Variants in SNRNP200 observed in about 807,000 individuals in gnomAD.
SNRNP200 encodes the protein U5 small nuclear ribonucleoprotein 200 kDa helicase.
In SNRNP200, 66 loss-of-function variants were observed where a neutral mutation model predicts 255.2. That is an observed-to-expected ratio of 0.26 (90% CI 0.21 to 0.32). The LOEUF is 0.32. Among genes scored for constraint, SNRNP200 ranks in the 10% least tolerant of loss-of-function variants. The pLI is 1.00. For synonymous variants in SNRNP200, 939 were observed against 1,027.8 expected (o/e 0.91, Z 1.65); for missense variants, 1,585 against 2,749.8 (o/e 0.58, Z 9.47).
Position 96,305,522 on chromosome 2 carries a change from C to G in SNRNP200, c.-85G>C, listed in dbSNP as rs1023412438. On this transcript the variant is annotated 5_prime_UTR_variant, in exon 1 of 45. Coordinates refer to ENST00000323853, the MANE Select transcript of SNRNP200 (RefSeq NM_014014.5). The stretch of plus-strand genomic sequence containing the variant: ...CCGCAGATCTCTGCTCCCGCCGCGC[C>G]GGAACGACGCAGGAAAGACGCACTG... The G allele has an allele frequency of 6.3e-7, 1 of 1,579,504 alleles. No homozygotes were observed. Among genetic ancestry groups the G allele is most frequent in the Non-Finnish European group, 8.7e-7 (1 of 1,153,342 alleles).
intron 21 of SNRNP200, 122 bp from the exon 22 acceptor site, chr2:96,289,501 A>C: frequency 1.9e-6 from 2 of 1,037,470 alleles, no homozygotes; most frequent in South Asian, 2.7e-5. Flanking sequence ...TATATGACCC[A>C]ATGTCATTAT....
chr2:96,295,117 G>C (rs578232966), intron 14 of SNRNP200, among the ~76,000 whole-genome samples: 1 of 152,264 alleles, frequency 6.6e-6, no homozygotes, highest in Admixed American at 6.5e-5. Context: ...GCTGAGGCAG[G>C]AGAATTGCTT....
rs1254555563 is a variant in SNRNP200 at position 96,290,675 on chromosome 2, G to C, written c.2553+9C>G. The C allele has an allele frequency of 1.2e-6, 2 of 1,614,052 alleles. No homozygotes were observed. Among genetic ancestry groups the C allele is most frequent in the African/African-American group, 2.7e-5 (2 of 74,926 alleles). On this transcript the variant is annotated intron_variant, in intron 19 of 44. Coordinates refer to ENST00000323853, the MANE Select transcript of SNRNP200 (RefSeq NM_014014.5). The surrounding 1 kb of genome is among the most constrained non-coding windows in gnomAD (Gnocchi z 4.5). ...TCCCTGCTGAGAATAAACTCAAAAGGCTCTGTACCTGCAGAATGTCCAGTG... is the reference window on the plus strand; with the variant it reads ...TCCCTGCTGAGAATAAACTCAAAAGCCTCTGTACCTGCAGAATGTCCAGTG...
chr2:96,297,255 C>G (rs1024213253), intron 11 of SNRNP200, 108 bp downstream of exon 11: 1 of 1,530,092 alleles, frequency 6.5e-7, no homozygotes. Flanking sequence ...TTGCAGCTTT[C>G]AGCCCTGAAA....
chr2:96,290,480 G>C lies in SNRNP200; in HGVS notation c.2588C>G (p.Thr863Ser), dbSNP rs2063877417. ...TGTGATGAGTATGCCTTCACCCTTGGTGTCATACTGGGGTCTTCCGGCACG... is the reference window on the plus strand; with the variant it reads ...TGTGATGAGTATGCCTTCACCCTTGCTGTCATACTGGGGTCTTCCGGCACG... ...LGRAGRPQYD[T>S]KGEGILITSH... The change falls in exon 20 of 45, where the codon ACC becomes AGC. Residue 863 changes from threonine to serine, a missense_variant. Thr to Ser is a moderately conservative substitution (Grantham distance 58, BLOSUM62 1). Transcript: ENST00000323853. This position sits in a 1 kb window ranked among gnomAD's most constrained non-coding sequence, Gnocchi z 4.5. 1 of 1,614,162 alleles carries C rather than the reference G, an allele frequency of 6.2e-7. No individual in the cohort carries two copies. Among genetic ancestry groups the C allele is most frequent in the Non-Finnish European group, 8.5e-7 (1 of 1,180,036 alleles).
rs531762401 is a variant in SNRNP200 at position 96,298,202 on chromosome 2, T to C, written c.1119+82A>G. 1.9e-4 allele frequency: 303 copies of C among 1,591,808 alleles called. 6 individuals are homozygous for C. In the South Asian group the frequency reaches 3.2e-3, roughly 17 times the overall value. ...AAATTACTTTTTCAACTTCCACTTT[T>C]AACATGAATTTAGCTTCATGCTGCA... is the stretch of plus-strand genomic sequence containing the variant. On this transcript the variant is annotated intron_variant, in intron 9 of 44. Coordinates refer to ENST00000323853, the MANE Select transcript of SNRNP200 (RefSeq NM_014014.5).
intron 44 of SNRNP200, 49 bp downstream of exon 44, chr2:96,275,208 A>G (rs758260670): frequency 6.2e-7 from 1 of 1,612,484 alleles, no homozygotes; most frequent in South Asian, 1.1e-5. Flanking sequence ...AAGCATTCTC[A>G]CCCTTCCCCC....
In SNRNP200 at chr2:96,274,390, C is replaced by T. The variant is rs1684617394; in HGVS notation, c.*622G>A. ...TGGGTCACATCCAGCTAGTACATTTCAGTGCCCTTTCTGGTGCTGCCTCCC... is the reference window on the plus strand; with the variant it reads ...TGGGTCACATCCAGCTAGTACATTTTAGTGCCCTTTCTGGTGCTGCCTCCC... On this transcript the variant is annotated 3_prime_UTR_variant, in exon 45 of 45. Coordinates refer to ENST00000323853, the MANE Select transcript of SNRNP200 (RefSeq NM_014014.5). The T allele has an allele frequency of 6.4e-6, 1 of 157,104 alleles. No homozygotes were observed. The highest frequency in any genetic ancestry group is 2.4e-5 in the African/African-American group (1 of 41,480). The allele number at this position is 157,104 out of a possible 1,614,324, so 9.7% of individuals were successfully genotyped here. A position where few individuals can be genotyped will look rare whatever the true frequency, so the allele number is the denominator to read the frequency against.
intron 24 of SNRNP200, 132 bp from the exon 25 acceptor site, chr2:96,288,101 CTG>C: frequency 1.3e-6 from 1 of 779,194 alleles, no homozygotes; most frequent in East Asian, 2.6e-5. Context: ...AAAGTCCCCT[CTG>C]TCTTTACGCC....
In SNRNP200 at chr2:96,278,527, C is replaced by T. The variant is rs376490582; in HGVS notation, c.5488+20G>A. On this transcript the variant is annotated intron_variant, in intron 38 of 44. Coordinates refer to ENST00000323853, the MANE Select transcript of SNRNP200 (RefSeq NM_014014.5). The surrounding 1 kb of genome is among the most constrained non-coding windows in gnomAD (Gnocchi z 6.9). Reference sequence around the variant, plus strand: ...TAAAAAGGCTCCCACAGACAGGACACGGGCCATGCCGGGCCTCACCAATGG... The same window carrying T: ...TAAAAAGGCTCCCACAGACAGGACATGGGCCATGCCGGGCCTCACCAATGG... The T allele has an allele frequency of 1.2e-5, 20 of 1,613,330 alleles. No individual in the cohort carries two copies. Among genetic ancestry groups the T allele is most frequent in the East Asian group, 2.2e-5 (1 of 44,894 alleles).
At chr2:96,285,036 C>T (rs1236783287) in intron 30 of SNRNP200, 144 bp downstream of exon 30, 1 of 975,742 alleles carries the variant, frequency 1.0e-6, no homozygotes, top group East Asian at 2.6e-5. Flanking sequence ...AGGCGTGAGC[C>T]ACCACGCTTG....
chr2:96,282,101 G>A lies in SNRNP200; in HGVS notation c.4916-179C>T, dbSNP rs536997925. The A allele has an allele frequency of 1.5e-5, 9 of 596,662 alleles. 1 individual carries two copies. Among genetic ancestry groups the A allele is most frequent in the South Asian group, 5.6e-5 (3 of 53,642 alleles). The allele number at this position is 596,662 out of a possible 1,614,324, so 37.0% of individuals were successfully genotyped here. Reference sequence around the variant, plus strand: ...ACACATTGCTATGAGGTAGCTCCACGCTGCTGGTGCCTTGCTCTGGGACTA... The same window carrying A: ...ACACATTGCTATGAGGTAGCTCCACACTGCTGGTGCCTTGCTCTGGGACTA... On this transcript the variant is annotated intron_variant, in intron 34 of 44. Coordinates refer to ENST00000323853, the MANE Select transcript of SNRNP200 (RefSeq NM_014014.5).
rs574027300 is a variant in SNRNP200 at position 96,305,153 on chromosome 2, T to C, written c.45+240A>G. Among the ~76,000 whole-genome samples the C allele has an allele frequency of 1.2e-4, 19 of 152,176 alleles. No homozygotes were observed. The East Asian group carries it at 3.3e-3, about 26-fold the overall frequency. On this transcript the variant is annotated intron_variant, in intron 1 of 44. Transcript: ENST00000323853. ...TAGTGAGTGGGTTGGGAGTGACGTG[T>C]GGAAGGGGGAGGGCTTAGCGTTGAA...
Position 96,290,920 on chromosome 2 carries a change from C to T in SNRNP200, c.2422-105G>A, listed in dbSNP as rs970559532. On this transcript the variant is annotated intron_variant, in intron 18 of 44. Coordinates refer to ENST00000323853, the MANE Select transcript of SNRNP200 (RefSeq NM_014014.5). The surrounding 1 kb of genome is among the most constrained non-coding windows in gnomAD (Gnocchi z 4.5). Reference sequence around the variant, plus strand: ...GCCTCAGAGCTTCTCTCAGGACTAGCCGGTAGGGCGCGTGGGGTCCCAGTA... The same window carrying T: ...GCCTCAGAGCTTCTCTCAGGACTAGTCGGTAGGGCGCGTGGGGTCCCAGTA... The T allele has an allele frequency of 7.8e-6, 11 of 1,407,026 alleles. No individual in the cohort carries two copies. Among genetic ancestry groups the T allele is most frequent in the Admixed American group, 3.7e-5 (2 of 54,782 alleles). The allele number at this position is 1,407,026 out of a possible 1,614,324, so 87.2% of individuals were successfully genotyped here. A position where few individuals can be genotyped will look rare whatever the true frequency, so the allele number is the denominator to read the frequency against.
chr2:96,277,966 A>G lies in SNRNP200; in HGVS notation c.5611-16T>C, dbSNP rs766175515. 3.1e-6 allele frequency: 5 copies of G among 1,614,232 alleles called. No homozygotes were observed. Among genetic ancestry groups the G allele is most frequent in the Non-Finnish European group, 4.2e-6 (5 of 1,180,042 alleles). ...TCTGAGCCAACTACAAAGTGGAAGA[A>G]AAATAGCTGGTGATGAACAGGTGAC... On this transcript the variant is annotated splice_polypyrimidine_tract_variant and intron_variant, in intron 39 of 44. Transcript: ENST00000323853. The surrounding 1 kb of genome is among the most constrained non-coding windows in gnomAD (Gnocchi z 4.4).
intron 14 of SNRNP200, 137 bp from the exon 15 acceptor site, chr2:96,293,646 A>C: frequency 1.3e-6 from 1 of 744,676 alleles, no homozygotes; most frequent in Non-Finnish European, 2.3e-6. Context: ...ACAGATGCCC[A>C]AAGGATGGAG....
At position 96,287,770 on chromosome 2, in the gene SNRNP200, G is replaced by A. The variant is rs2063852517; in HGVS notation, c.3365+93C>T. On this transcript the variant is annotated intron_variant, in intron 25 of 44. Coordinates refer to ENST00000323853, the MANE Select transcript of SNRNP200 (RefSeq NM_014014.5). The surrounding 1 kb of genome is among the most constrained non-coding windows in gnomAD (Gnocchi z 5.7). ...AGGTCATACTTCCGATGTCAGGTCT[G>A]GAGATCAGATGCACCCTGAGGCTTT... The A allele has an allele frequency of 4.5e-6, 5 of 1,112,486 alleles. No homozygotes were observed. The highest frequency in any genetic ancestry group is 6.9e-6 in the Non-Finnish European group (5 of 723,144). 68.9% of individuals were successfully genotyped at this position (1,112,486 alleles called of 1,614,324 possible).
intron 21 of SNRNP200, 31 bp from the exon 22 acceptor site, chr2:96,289,410 G>T: frequency 6.2e-7 from 1 of 1,611,536 alleles, no homozygotes; most frequent in South Asian, 1.1e-5. Context: ...ATCCAGTGCT[G>T]ACTATTAATG....
rs1003823805 is a variant in SNRNP200, at chr2:96,278,458, C to T, written c.5488+89G>A. 4 of 1,610,964 alleles carry T rather than the reference C, an allele frequency of 2.5e-6. No individual in the cohort carries two copies. In the African/African-American group the frequency reaches 5.3e-5, roughly 22 times the overall value. On this transcript the variant is annotated intron_variant, in intron 38 of 44. Coordinates refer to ENST00000323853, the MANE Select transcript of SNRNP200 (RefSeq NM_014014.5). The surrounding 1 kb of genome is among the most constrained non-coding windows in gnomAD (Gnocchi z 6.9). ...GTCCCCTGCAGTGTCATCCCGCTGACAAACACGGGCGCACCTCTCATCCCA... is the reference window on the plus strand; with the variant it reads ...GTCCCCTGCAGTGTCATCCCGCTGATAAACACGGGCGCACCTCTCATCCCA...
Sources: allele counts gnomAD v4.1 joint callset (sites outside exome capture counted in the v4.1 genomes callset), GRCh38; gene constraint gnomAD v4.1.1; non-coding constraint Gnocchi (gnomAD v3.1); transcripts MANE v1.5; gene names NCBI Gene and HGNC (gene_info 2026-07-23, HGNC 2026-07-21).